The following NTRK3 variants were observed in gnomAD, a reference collection of about 807,000 sequenced individuals.
The protein encoded by NTRK3 is NT-3 growth factor receptor.
Under a neutral mutation model 91.7 loss-of-function variants are expected in NTRK3, and 24 were observed. The ratio of observed to expected loss-of-function variants is 0.26; its 90% CI spans 0.19 to 0.37. The LOEUF (loss-of-function observed/expected upper bound fraction) is 0.37. Among genes scored for constraint, NTRK3 ranks in the 10% least tolerant of loss-of-function variants. The pLI is 1.00. For missense variants in NTRK3, 880 were observed against 1,068.9 expected (o/e 0.82, Z 2.46); for synonymous variants, 483 against 404.0 (o/e 1.20, Z -2.34).
chr15:88,160,038 C>A (rs1272743541), intron 5 of NTRK3, among the ~76,000 whole-genome samples: 1 of 150,192 alleles, frequency 6.7e-6, no homozygotes, highest in Non-Finnish European at 1.5e-5. Flanking sequence ...ACGACAGAGG[C>A]TAGAAACCAG....
intron 3 of NTRK3, among the ~76,000 whole-genome samples, chr15:88,215,201 C>G (rs373068817): frequency 1.3e-5 from 2 of 152,224 alleles, no homozygotes; most frequent in South Asian, 2.1e-4. Flanking sequence ...GGCAATTCAT[C>G]AGAGGAAAAA....
At chr15:87,868,618 C>A (rs1041786738) in exon 19 of NTRK3, 3 of 220,358 alleles carry the variant, frequency 1.4e-5, no homozygotes, top group Non-Finnish European at 2.7e-5. Context: ...GTGACTGAAT[C>A]TAACCTGAAG....
intron 17 of NTRK3, among the ~76,000 whole-genome samples, chr15:87,893,516 A>T (rs1247658457): frequency 6.6e-6 from 1 of 152,154 alleles, no homozygotes; most frequent in Non-Finnish European, 1.5e-5. Context: ...TCCTCTTCTA[A>T]GCCAGCCTTT....
At chr15:88,044,611 C>T (rs375092559) in intron 13 of NTRK3, among the ~76,000 whole-genome samples, 64 of 121,304 alleles carry the variant, frequency 5.3e-4, no homozygotes, top group East Asian at 5.1e-3. Context: ...CATAATCATA[C>T]GGCCAAAAGC....
intron 17 of NTRK3, among the ~76,000 whole-genome samples, chr15:87,898,279 T>C (rs1382965688): frequency 2.0e-5 from 3 of 152,196 alleles, no homozygotes; most frequent in Admixed American, 1.3e-4. Context: ...AAGCCAGAGA[T>C]AGAAGTTAAT....
intron 11 of NTRK3, 81 bp downstream of exon 11, chr15:88,128,630 G>C (rs887878044): frequency 1.4e-6 from 2 of 1,420,590 alleles, no homozygotes; most frequent in African/African-American, 1.4e-5. Context: ...TGTGGAATAG[G>C]AGAGAGGGCT....
intron 17 of NTRK3, among the ~76,000 whole-genome samples, chr15:87,891,196 T>C (rs1184320879): frequency 6.6e-6 from 1 of 152,170 alleles, no homozygotes; most frequent in African/African-American, 2.4e-5. Context: ...CAACCTACAA[T>C]CTTTGCAGCT....
intron 5 of NTRK3, among the ~76,000 whole-genome samples, chr15:88,178,018 C>G (rs980606254): frequency 6.6e-5 from 10 of 152,180 alleles, no homozygotes; most frequent in Non-Finnish European, 1.2e-4. Context: ...CCTGATCTTT[C>G]TATCTTCAAA....
At chr15:88,126,810 T>C (rs1053908604) in intron 12 of NTRK3, among the ~76,000 whole-genome samples, 1 of 152,138 alleles carries the variant, frequency 6.6e-6, no homozygotes, top group Non-Finnish European at 1.5e-5. Flanking sequence ...GGCTCTGAAA[T>C]AGTAGGAGTG....
At chr15:88,012,805 G>A (rs150698258) in intron 14 of NTRK3, among the ~76,000 whole-genome samples, 4 of 152,296 alleles carry the variant, frequency 2.6e-5, no homozygotes, top group African/African-American at 2.4e-5. Flanking sequence ...GATGTGCATC[G>A]GAATCACCCA....
At chr15:88,149,930 T>A (rs144759550) in intron 5 of NTRK3, among the ~76,000 whole-genome samples, 42 of 152,352 alleles carry the variant, frequency 2.8e-4, no homozygotes, top group African/African-American at 1.0e-3. Context: ...CACAACAGCA[T>A]CACGGCAGCA....
At chr15:87,892,004 C>G (rs1043673042) in intron 17 of NTRK3, among the ~76,000 whole-genome samples, 1 of 151,968 alleles carries the variant, frequency 6.6e-6, no homozygotes, top group African/African-American at 2.4e-5. Context: ...AGATGCACAA[C>G]TCTCACATGG....
At chr15:88,017,318 C>T (rs1283980015) in intron 14 of NTRK3, among the ~76,000 whole-genome samples, 1 of 152,150 alleles carries the variant, frequency 6.6e-6, no homozygotes, top group African/African-American at 2.4e-5. Context: ...TACAGCTCCC[C>T]CTTTAGACCT....
intron 3 of NTRK3, among the ~76,000 whole-genome samples, chr15:88,206,276 G>A (rs969129860): frequency 1.2e-4 from 17 of 147,352 alleles, no homozygotes; most frequent in African/African-American, 3.8e-4. Context: ...ACCCCGGGGG[G>A]CGGAGCCTGC....
rs770668339 is a variant in NTRK3 at position 88,002,168 on chromosome 15, G to GTT, written c.1585+30687_1585+30688dup. ...TTTCTCTCTCTGAAGGATAGTGGTT[G>GTT]TTTTTTTTTTTTTTTTTTTTTTTTT... On this transcript the variant is annotated intron_variant, in intron 14 of 18. Transcript: ENST00000394480. Among the ~76,000 whole-genome samples the GTT allele has an allele frequency of 9.8e-4, 69 of 70,176 alleles. 4 individuals are homozygous for GTT. The highest frequency in any genetic ancestry group is 2.2e-3 in the African/African-American group (38 of 17,280). The allele number at this position is 70,176 out of a possible 152,430, so 46.0% of individuals were successfully genotyped here. A position where few individuals can be genotyped will look rare whatever the true frequency, so the allele number is the denominator to read the frequency against.
At chr15:87,898,320 T>A (rs917975983) in intron 17 of NTRK3, among the ~76,000 whole-genome samples, 5 of 152,182 alleles carry the variant, frequency 3.3e-5, no homozygotes, top group Non-Finnish European at 7.3e-5. Flanking sequence ...TTTCTTTTTG[T>A]GGGTTTTGTA....
intron 3 of NTRK3, among the ~76,000 whole-genome samples, chr15:88,252,171 G>A (rs537171145): frequency 6.6e-6 from 1 of 152,216 alleles, no homozygotes; most frequent in African/African-American, 2.4e-5. Flanking sequence ...ACCTCTCTCA[G>A]ACCTAGTCCT....
At chr15:88,051,584 A>G (rs946641832) in intron 13 of NTRK3, among the ~76,000 whole-genome samples, 11 of 152,338 alleles carry the variant, frequency 7.2e-5, no homozygotes, top group South Asian at 2.1e-4. Flanking sequence ...TCTTAAACTA[A>G]GTATTTGTTT....
chr15:88,035,383 C>G (rs925449742), intron 13 of NTRK3, among the ~76,000 whole-genome samples: 3 of 152,198 alleles, frequency 2.0e-5, no homozygotes, highest in African/African-American at 4.8e-5. Flanking sequence ...TGGGATGAAG[C>G]ATGAAGCTCA....
Sources: gnomAD v4.1 joint callset for allele counts (sites outside exome capture counted in the v4.1 genomes callset) on GRCh38, gnomAD v4.1.1 for gene constraint, MANE v1.5 for transcripts, NCBI Gene and HGNC (gene_info 2026-07-23, HGNC 2026-07-21) for gene names.